CCNF: variants seen among roughly 807,000 people sequenced by gnomAD.
CCNF encodes cyclin-F.
CCNF carries 30 observed loss-of-function variants against 85.4 expected under a neutral mutation model. The ratio of observed to expected loss-of-function variants is 0.35; its 90% CI spans 0.26 to 0.48. CCNF has a LOEUF of 0.48. CCNF is among the 20% of genes least tolerant of loss of function. CCNF has a pLI of 0.99. For missense variants in CCNF, 919 were observed against 1,010.4 expected, an observed-to-expected ratio of 0.91 and a Z score of 1.23; for synonymous variants, 439 against 425.1, an observed-to-expected ratio of 1.03 and a Z score of -0.40.
At chr16:2,431,416 T>A in intron 2 of CCNF, 132 bp downstream of exon 2, 1 of 929,528 alleles carries the variant, frequency 1.1e-6, no homozygotes, top group Non-Finnish European at 1.6e-6. Context: ...CGGTGGCTCA[T>A]GCCTTAATCC....
chr16:2,452,908 A>C lies in CCNF; in HGVS notation c.1488-302A>C, dbSNP rs184563660. The C allele has an allele frequency of 3.3e-4, 145 of 437,102 alleles. No individual in the cohort carries two copies. In the East Asian group the frequency reaches 5.3e-3, roughly 16 times the overall value. The allele number at this position is 437,102 out of a possible 1,614,324, so 27.1% of individuals were successfully genotyped here. Reference sequence around the variant, plus strand: ...TCATGGCTGAATAATATTCCCCTGCATGGACCACATGTGTTTATCCATCCC... The same window carrying C: ...TCATGGCTGAATAATATTCCCCTGCCTGGACCACATGTGTTTATCCATCCC... On this transcript the variant is annotated intron_variant, in intron 13 of 16. Coordinates refer to ENST00000397066, the MANE Select transcript of CCNF (RefSeq NM_001761.3). This position sits in a 1 kb window ranked among gnomAD's most constrained non-coding sequence, Gnocchi z 4.1.
chr16:2,447,814 C>T (rs1029012615), intron 10 of CCNF, among the ~76,000 whole-genome samples: 3 of 152,064 alleles, frequency 2.0e-5, no homozygotes, highest in Admixed American at 6.5e-5. Context: ...AGGTGCCCTG[C>T]CCCCACCAGC....
At chr16:2,440,638 T>C (rs957153437) in intron 8 of CCNF, among the ~76,000 whole-genome samples, 1 of 152,078 alleles carries the variant, frequency 6.6e-6, no homozygotes, top group African/African-American at 2.4e-5. Flanking sequence ...AAAGCTCCTA[T>C]TTGCCAAATG....
intron 4 of CCNF, 24 bp downstream of exon 4, chr16:2,435,897 G>C: frequency 6.4e-7 from 1 of 1,563,622 alleles, no homozygotes; most frequent in Non-Finnish European, 8.8e-7. Flanking sequence ...CCACCTGCAT[G>C]TTGGCGCTTC....
intron 1 of CCNF, among the ~76,000 whole-genome samples, chr16:2,430,778 A>C (rs2065258325): frequency 6.6e-6 from 1 of 152,216 alleles, no homozygotes; most frequent in Non-Finnish European, 1.5e-5. Flanking sequence ...CCTGAGAGTG[A>C]AATAGAAGGA....
At chr16:2,450,264 C>G (rs2065387039) in intron 13 of CCNF, among the ~76,000 whole-genome samples, 1 of 144,524 alleles carries the variant, frequency 6.9e-6, no homozygotes, top group Non-Finnish European at 1.5e-5. Flanking sequence ...CTTTGGGAGG[C>G]CAAAGCGGGC....
intron 5 of CCNF, 164 bp from the exon 6 acceptor site, chr16:2,437,906 A>AAG: frequency 1.6e-5 from 8 of 502,638 alleles, no homozygotes; most frequent in South Asian, 1.2e-4. Flanking sequence ...TTCCCTTTAA[A>AAG]AAAAAAAAAA....
chr16:2,431,399 C>T, intron 2 of CCNF, 115 bp downstream of exon 2: 2 of 1,135,672 alleles, frequency 1.8e-6, no homozygotes, highest in Non-Finnish European at 2.5e-6. Context: ...GGGGCAGAGG[C>T]CAGGCACGGT....
chr16:2,454,985 G>A (rs745850082), intron 15 of CCNF, among the ~76,000 whole-genome samples: 15 of 151,622 alleles, frequency 9.9e-5, no homozygotes, highest in Non-Finnish European at 1.2e-4. Flanking sequence ...ACTTGAACCC[G>A]GGAGGTGGAG....
At chr16:2,431,513 C>G (rs1175308963) in intron 2 of CCNF, among the ~76,000 whole-genome samples, 1 of 151,862 alleles carries the variant, frequency 6.6e-6, no homozygotes, top group South Asian at 2.1e-4. Context: ...ACCCCCATCT[C>G]TACTAAAAAT....
rs1567390710 is a variant in CCNF, at chr16:2,453,069, G to T, written c.1488-141G>T. On this transcript the variant is annotated intron_variant, in intron 13 of 16. Coordinates refer to ENST00000397066, the MANE Select transcript of CCNF (RefSeq NM_001761.3). The surrounding 1 kb of genome is among the most constrained non-coding windows in gnomAD (Gnocchi z 5.6). ...AATTGCTAGGTCCTGTGGTGACTGA[G>T]TTTAACCATTCGGGGAACTGCCAGG... The T allele has an allele frequency of 1.4e-6, 1 of 716,136 alleles. No homozygotes were observed. The allele number at this position is 716,136 out of a possible 1,614,324, so 44.4% of individuals were successfully genotyped here.
chr16:2,455,809 C>T (rs1811216181), intron 16 of CCNF, among the ~76,000 whole-genome samples: 1 of 152,194 alleles, frequency 6.6e-6, no homozygotes, highest in South Asian at 2.1e-4. Context: ...CCACACCTAT[C>T]CGGCTCCTGC....
intron 3 of CCNF, among the ~76,000 whole-genome samples, chr16:2,434,249 T>C (rs1168435333): frequency 6.6e-6 from 1 of 152,198 alleles, no homozygotes; most frequent in Non-Finnish European, 1.5e-5. Flanking sequence ...GAGGTTGCAG[T>C]GAGCCAAGAT....
chr16:2,450,824 C>G (rs12932533), intron 13 of CCNF, among the ~76,000 whole-genome samples: 114,530 of 151,846 alleles, frequency 0.75, 44,109 homozygotes, highest in African/African-American at 0.92. Context: ...GTGCAGCGGA[C>G]ACCACGTGGC....
rs1450686461 is a variant in CCNF, at chr16:2,457,075, G to A, written c.*55G>A. On this transcript the variant is annotated 3_prime_UTR_variant, in exon 17 of 17. Coordinates refer to ENST00000397066, the MANE Select transcript of CCNF (RefSeq NM_001761.3). ...TGTACTGAGGGGGCTGGAGGCGAAGGGTGGGAGCATAGCATAGGAACGCTG... is the reference window on the plus strand; with the variant it reads ...TGTACTGAGGGGGCTGGAGGCGAAGAGTGGGAGCATAGCATAGGAACGCTG... 7.5e-7 allele frequency: 1 copy of A among 1,331,686 alleles called. No homozygotes were observed. Among genetic ancestry groups the A allele is most frequent in the Non-Finnish European group, 1.0e-6 (1 of 966,984 alleles). 82.5% of individuals were successfully genotyped at this position (1,331,686 alleles called of 1,614,324 possible).
chr16:2,453,001 T>C lies in CCNF; in HGVS notation c.1488-209T>C. 5.0e-6 allele frequency: 3 copies of C among 598,022 alleles called. No homozygotes were observed. The highest frequency in any genetic ancestry group is 2.0e-5 in the South Asian group (1 of 50,144). The allele number at this position is 598,022 out of a possible 1,614,324, so 37.0% of individuals were successfully genotyped here. A position where few individuals can be genotyped will look rare whatever the true frequency, so the allele number is the denominator to read the frequency against. Reference sequence around the variant, plus strand: ...GAACATTCTAGTACAGGTTTCTGTGTGGACATAGTTTTTCCTTTTTCCTGG... The same window carrying C: ...GAACATTCTAGTACAGGTTTCTGTGCGGACATAGTTTTTCCTTTTTCCTGG... On this transcript the variant is annotated intron_variant, in intron 13 of 16. Coordinates refer to ENST00000397066, the MANE Select transcript of CCNF (RefSeq NM_001761.3). The surrounding 1 kb of genome is among the most constrained non-coding windows in gnomAD (Gnocchi z 5.6).
intron 7 of CCNF, 33 bp downstream of exon 7, chr16:2,439,490 TATGCTGGACAAAGGCGTAGTTG>T: frequency 6.7e-7 from 1 of 1,485,396 alleles, no homozygotes; most frequent in African/African-American, 1.4e-5. Flanking sequence ...CGGGGGGAGT[TATGCTGGACAAAGGCGTAGTTG>T]ATGCTGGTCC....
Position 2,448,915 on chromosome 16 carries a change from C to T in CCNF, c.1155C>T (p.Tyr385=), listed in dbSNP as rs1029984074. The change falls in exon 11 of 17, where the codon TAC becomes TAT. Residue 385 remains tyrosine (Y), a synonymous_variant. Coordinates refer to ENST00000397066, the MANE Select transcript of CCNF (RefSeq NM_001761.3). ...REAVWLTDNT[Y]KYEDLVRMMG... ...CCGTATGGCTCACGGACAACACTTA[C>T]AAGTACGAGGACCTGGTGAGAATGA... 4 of 1,614,058 alleles carry T rather than the reference C, an allele frequency of 2.5e-6. 1 individual carries two copies. The East Asian group carries it at 6.7e-5, about 27-fold the overall frequency.
At position 2,452,913 on chromosome 16, in the gene CCNF, C is replaced by A. The variant is rs2065402827; in HGVS notation, c.1488-297C>A. The stretch of plus-strand genomic sequence containing the variant: ...GCTGAATAATATTCCCCTGCATGGA[C>A]CACATGTGTTTATCCATCCCGCAGC... On this transcript the variant is annotated intron_variant, in intron 13 of 16. Coordinates refer to ENST00000397066, the MANE Select transcript of CCNF (RefSeq NM_001761.3). The surrounding 1 kb of genome is among the most constrained non-coding windows in gnomAD (Gnocchi z 4.1). 3 of 460,438 alleles carry A rather than the reference C, an allele frequency of 6.5e-6. No homozygotes were observed. In the South Asian group the frequency reaches 7.2e-5, roughly 11 times the overall value. 28.5% of individuals were successfully genotyped at this position (460,438 alleles called of 1,614,324 possible).
Sources: gnomAD v4.1 joint callset for allele counts (sites outside exome capture counted in the v4.1 genomes callset) on GRCh38, gnomAD v4.1.1 for gene constraint, Gnocchi (gnomAD v3.1) non-coding constraint, MANE v1.5 for transcripts, NCBI Gene and HGNC (gene_info 2026-07-23, HGNC 2026-07-21) for gene names.